MOBP: variants seen among roughly 807,000 people sequenced by gnomAD.
MOBP encodes myelin associated oligodendrocyte basic protein.
A neutral mutation model predicts 15.0 loss-of-function variants in MOBP; 5 were observed. The observed-to-expected ratio is 0.33, with a 90% CI of 0.17 to 0.70. The LOEUF (loss-of-function observed/expected upper bound fraction) is 0.70. Among genes scored for constraint, MOBP ranks in the 30% least tolerant of loss-of-function variants. The probability of loss-of-function intolerance (pLI) is 0.67; values close to 1 mark genes in which losing one functional copy is unlikely to be tolerated. For missense variants in MOBP, 188 were observed against 257.8 expected (o/e 0.73, Z 1.85); for synonymous variants, 88 against 99.0 (o/e 0.89, Z 0.66).
rs569963000 is a variant in MOBP, at chr3:39,484,668, T to A, written c.-5+4545T>A. 1.1e-4 allele frequency among the ~76,000 whole-genome samples: 17 copies of A among 152,360 alleles called. No homozygotes were observed. In the South Asian group the frequency reaches 3.3e-3, roughly 30 times the overall value. ...AGGGTATCATGTTATTTACATAACATTCAGAAAACTACTGCACTTCTTGAA... is the reference window on the plus strand; with the variant it reads ...AGGGTATCATGTTATTTACATAACAATCAGAAAACTACTGCACTTCTTGAA... On this transcript the variant is annotated intron_variant, in intron 2 of 3. Transcript: ENST00000684792.
chr3:39,520,575 TGAGA>T (rs10532496), downstream of MOBP, among the ~76,000 whole-genome samples: 20 of 147,446 alleles, frequency 1.4e-4, no homozygotes, highest in South Asian at 8.5e-4. Context: ...TGTGTGTGTA[TGAGA>T]GAGAGAGAGA....
chr3:39,526,497 T>C (rs1355878096), downstream of MOBP: 1 of 152,186 alleles, frequency 6.6e-6, no homozygotes, highest in Non-Finnish European at 1.5e-5. Context: ...GCACTACCAG[T>C]AAATATTGCA....
intron 2 of MOBP, among the ~76,000 whole-genome samples, chr3:39,492,344 G>C (rs6599028): frequency 0.36 from 54,098 of 151,926 alleles, 13,424 homozygotes; most frequent in African/African-American, 0.71. Context: ...AGATACTCAG[G>C]TTTTTCATAC....
At position 39,502,890 on chromosome 3, in the gene MOBP, T is replaced by G; in HGVS notation, c.*10T>G. On this transcript the variant is annotated 3_prime_UTR_variant, in exon 4 of 4. Transcript: ENST00000684792. The surrounding 1 kb of genome is among the most constrained non-coding windows in gnomAD (Gnocchi z 6.3). ...TTCTAGGTTCTGGTAACACCATCTC[T>G]TCCCTTTTGTTCCCCAGCCCTAAGG... 12 of 1,106,840 alleles carry G rather than the reference T, an allele frequency of 1.1e-5. No individual in the cohort carries two copies. Among genetic ancestry groups the G allele is most frequent in the South Asian group, 1.6e-5 (1 of 63,844 alleles). The allele number at this position is 1,106,840 out of a possible 1,614,324, so 68.6% of individuals were successfully genotyped here.
At chr3:39,497,088 C>T (rs1405603143) in intron 2 of MOBP, among the ~76,000 whole-genome samples, 2 of 152,242 alleles carry the variant, frequency 1.3e-5, no homozygotes, top group African/African-American at 4.8e-5. Context: ...CAGGCATGAG[C>T]CACCGCACTG....
intron 1 of MOBP, among the ~76,000 whole-genome samples, chr3:39,474,409 T>C (rs936401414): frequency 2.0e-5 from 3 of 152,260 alleles, no homozygotes; most frequent in Non-Finnish European, 2.9e-5. Context: ...GATTTAGTCA[T>C]TGTGTGAACG....
rs755911510 is a variant in MOBP, at chr3:39,502,306, T to C, written c.206+31T>C. 3.7e-6 allele frequency: 6 copies of C among 1,612,732 alleles called. No individual in the cohort carries two copies. The highest frequency in any genetic ancestry group is 2.2e-5 in the East Asian group (1 of 44,872). ...CGGCCGCCCAGCCCCGCGGCACCAG[T>C]TGGGCACAGCGCGTGGTCTCGGCTC... is the stretch of plus-strand genomic sequence containing the variant. On this transcript the variant is annotated intron_variant, in intron 3 of 3. Transcript: ENST00000684792. This position sits in a 1 kb window ranked among gnomAD's most constrained non-coding sequence, Gnocchi z 6.3.
chr3:39,486,998 T>C (rs973685089), intron 2 of MOBP, among the ~76,000 whole-genome samples: 2 of 151,008 alleles, frequency 1.3e-5, no homozygotes, highest in African/African-American at 4.9e-5. Context: ...TAGAGTGCAG[T>C]GGTGTGATCA....
chr3:39,527,720 A>C (rs1022693823), downstream of MOBP: 1 of 152,272 alleles, frequency 6.6e-6, no homozygotes, highest in African/African-American at 2.4e-5. Context: ...GGGCCTCCCA[A>C]AGTGCTGGGA....
downstream of MOBP, among the ~76,000 whole-genome samples, chr3:39,520,948 C>T (rs1575325292): frequency 1.4e-5 from 2 of 147,580 alleles, no homozygotes; most frequent in Non-Finnish European, 1.5e-5. Context: ...GCTCTATATT[C>T]TTTTTTTTTT....
chr3:39,494,588 A>G (rs2042847543), intron 2 of MOBP, among the ~76,000 whole-genome samples: 1 of 152,190 alleles, frequency 6.6e-6, no homozygotes, highest in Non-Finnish European at 1.5e-5. Flanking sequence ...TAAAGTAAAT[A>G]AAGATGTGAT....
chr3:39,469,149 TAC>T (rs2042420362), intron 1 of MOBP, among the ~76,000 whole-genome samples: 4 of 98,164 alleles, frequency 4.1e-5, no homozygotes, highest in Non-Finnish European at 7.2e-5. Context: ...TATACATATA[TAC>T]ATATGTGTGT....
chr3:39,508,397 A>G (rs567980431), intron 4 of MOBP, among the ~76,000 whole-genome samples: 250 of 152,328 alleles, frequency 1.6e-3, no homozygotes, highest in Non-Finnish European at 2.8e-3. Flanking sequence ...TCACCTATGC[A>G]GTCAACTCCC....
intron 1 of MOBP, among the ~76,000 whole-genome samples, 170 bp from the exon 2 acceptor site, chr3:39,479,870 C>T (rs1168898086): frequency 6.6e-6 from 1 of 150,604 alleles, no homozygotes; most frequent in Non-Finnish European, 1.5e-5. Flanking sequence ...GATTTTGTGA[C>T]TGTATCTTTC....
At chr3:39,483,407 A>G (rs1575291903) in intron 2 of MOBP, among the ~76,000 whole-genome samples, 1 of 152,224 alleles carries the variant, frequency 6.6e-6, no homozygotes, top group Non-Finnish European at 1.5e-5. Flanking sequence ...TCAGCAATCT[A>G]GTGCTTATTT....
At chr3:39,487,599 C>G (rs1178441981) in intron 2 of MOBP, among the ~76,000 whole-genome samples, 1 of 146,096 alleles carries the variant, frequency 6.8e-6, no homozygotes, top group Non-Finnish European at 1.5e-5. Flanking sequence ...TCTCTGCTCA[C>G]TGCAAGCCCC....
intron 4 of MOBP, among the ~76,000 whole-genome samples, chr3:39,510,991 T>C (rs1045996048): frequency 3.3e-5 from 5 of 152,372 alleles, no homozygotes; most frequent in East Asian, 3.9e-4. Flanking sequence ...TTTCAAGATA[T>C]GGCTCAACTT....
downstream of MOBP, chr3:39,525,831 C>G (rs995521885): frequency 6.6e-6 from 1 of 152,516 alleles, no homozygotes; most frequent in Non-Finnish European, 1.5e-5. Flanking sequence ...GCCCTGGCTT[C>G]CTCACTTGGG....
At chr3:39,528,695 A>G (rs1458279239), downstream of MOBP, 4 of 152,258 alleles carry the variant, frequency 2.6e-5, no homozygotes, top group African/African-American at 9.6e-5. Context: ...TCACAAAATC[A>G]AAGTTCTCCA....
Sources: gnomAD v4.1 joint callset for allele counts (sites outside exome capture counted in the v4.1 genomes callset) on GRCh38, gnomAD v4.1.1 for gene constraint, Gnocchi (gnomAD v3.1) non-coding constraint, MANE v1.5 for transcripts, NCBI Gene and HGNC (gene_info 2026-07-23, HGNC 2026-07-21) for gene names.